The following CHRM3 variants were observed in gnomAD, a reference collection of about 807,000 sequenced individuals.
CHRM3 encodes muscarinic acetylcholine receptor M3.
In CHRM3, 11 loss-of-function variants were observed where a neutral mutation model predicts 41.8. The ratio of observed to expected loss-of-function variants is 0.26; its 90% CI spans 0.17 to 0.44. The LOEUF (loss-of-function observed/expected upper bound fraction) is 0.44, where lower values mean the gene tolerates loss of function less well. Ranked by LOEUF, CHRM3 falls within the 20% of genes least tolerant of loss-of-function variation. The pLI is 1.00. For synonymous variants in CHRM3, 297 were observed against 301.4 expected, an observed-to-expected ratio of 0.99 and a Z score of 0.15; for missense variants, 571 against 745.4, an observed-to-expected ratio of 0.77 and a Z score of 2.72.
intron 2 of CHRM3, among the ~76,000 whole-genome samples, chr1:239,521,257 A>G (rs1276332599): frequency 6.6e-6 from 1 of 152,286 alleles, no homozygotes; most frequent in East Asian, 1.9e-4. Flanking sequence ...CCAGTGGTGG[A>G]CAGATGGTCA....
chr1:239,519,994 G>T (rs1406778156), intron 2 of CHRM3, among the ~76,000 whole-genome samples: 1 of 151,854 alleles, frequency 6.6e-6, no homozygotes, highest in African/African-American at 2.4e-5. Context: ...TGATCTGCTC[G>T]CCTCGGCCTC....
intron 1 of CHRM3, among the ~76,000 whole-genome samples, chr1:239,466,823 A>C (rs1665764917): frequency 6.6e-6 from 1 of 152,130 alleles, no homozygotes; most frequent in Non-Finnish European, 1.5e-5. Flanking sequence ...GTACATAAAA[A>C]TCCTATAATA....
chr1:239,545,810 A>C (rs1236422137), intron 3 of CHRM3, 61 bp downstream of exon 3: 2 of 152,106 alleles, frequency 1.3e-5, no homozygotes, highest in African/African-American at 4.8e-5. Context: ...TCACCAGAGT[A>C]CCTACTTTTA....
At chr1:239,426,456 G>A (rs368485606) in intron 1 of CHRM3, among the ~76,000 whole-genome samples, 1 of 129,984 alleles carries the variant, frequency 7.7e-6, no homozygotes, top group African/African-American at 3.0e-5. Flanking sequence ...CCATTGCTTC[G>A]AACTCACCCC....
intron 6 of CHRM3, among the ~76,000 whole-genome samples, chr1:239,887,457 C>G (rs1368591165): frequency 6.6e-6 from 1 of 152,136 alleles, no homozygotes; most frequent in Non-Finnish European, 1.5e-5. Context: ...CCCAGCCTGA[C>G]CTAGCCACCC....
intron 1 of CHRM3, among the ~76,000 whole-genome samples, chr1:239,417,410 A>C (rs2103077773): frequency 6.6e-6 from 1 of 152,288 alleles, no homozygotes; most frequent in Non-Finnish European, 1.5e-5. Flanking sequence ...TGCAGGACAG[A>C]ATTACATCTT....
At chr1:239,423,466 G>A (rs959032170) in intron 1 of CHRM3, among the ~76,000 whole-genome samples, 1 of 152,178 alleles carries the variant, frequency 6.6e-6, no homozygotes, top group Admixed American at 6.5e-5. Flanking sequence ...GGAGGAGGAT[G>A]GAGGCGGGAA....
intron 3 of CHRM3, among the ~76,000 whole-genome samples, chr1:239,627,935 A>G (rs1404203728): frequency 6.9e-6 from 1 of 145,406 alleles, no homozygotes; most frequent in Non-Finnish European, 1.5e-5. Flanking sequence ...TGCCCTTAAC[A>G]TTTTTTCCTT....
In CHRM3 at chr1:239,453,868, A is replaced by G. The variant is rs764201631; in HGVS notation, c.-520-38841A>G. Among the ~76,000 whole-genome samples the G allele has an allele frequency of 4.7e-4, 72 of 152,124 alleles. 2 individuals carry two copies. Among genetic ancestry groups the G allele is most frequent in the Non-Finnish European group, 1.0e-4 (7 of 68,006 alleles). On this transcript the variant is annotated intron_variant, in intron 1 of 6. Coordinates refer to ENST00000676153, the MANE Select transcript of CHRM3 (RefSeq NM_001375978.1). ...GGGGAAGGCCTCAAAACCACAACAC[A>G]GGTGGCTCCCCAGTGAAGGGAGAGG...
chr1:239,577,257 A>G lies in CHRM3; in HGVS notation c.-313+31508A>G, dbSNP rs1165598626. Among the ~76,000 whole-genome samples the G allele has an allele frequency of 3.3e-5, 5 of 149,550 alleles. No homozygotes were observed. In the East Asian group the frequency reaches 9.8e-4, roughly 29 times the overall value. On this transcript the variant is annotated intron_variant, in intron 3 of 6. Transcript: ENST00000676153. ...TCGTTTTTCTTTTCCTTCCTTCTTT[A>G]TTTCCTTTTTTTGATGTTTATTCAC...
chr1:239,416,980 GT>G (rs1481774320), intron 1 of CHRM3, among the ~76,000 whole-genome samples: 2 of 152,134 alleles, frequency 1.3e-5, no homozygotes, highest in African/African-American at 4.8e-5. Flanking sequence ...GAACTATAAT[GT>G]CTTGAGAGTT....
chr1:239,549,551 C>G (rs1659616226), intron 3 of CHRM3, among the ~76,000 whole-genome samples: 1 of 150,486 alleles, frequency 6.6e-6, no homozygotes, highest in African/African-American at 2.4e-5. Flanking sequence ...ATCCCAGCTG[C>G]CCGGGAGGCT....
At chr1:239,542,846 A>G (rs535437410) in intron 2 of CHRM3, among the ~76,000 whole-genome samples, 1 of 152,308 alleles carries the variant, frequency 6.6e-6, no homozygotes, top group African/African-American at 2.4e-5. Flanking sequence ...TACAAAATGT[A>G]TTTTAACTTC....
At chr1:239,402,295 T>G (rs1660045983) in intron 1 of CHRM3, among the ~76,000 whole-genome samples, 1 of 152,186 alleles carries the variant, frequency 6.6e-6, no homozygotes, top group African/African-American at 2.4e-5. Context: ...CTTCCCTCTT[T>G]ACGTGCAGCT....
intron 1 of CHRM3, among the ~76,000 whole-genome samples, chr1:239,449,880 G>A (rs1224283306): frequency 6.6e-6 from 1 of 152,054 alleles, no homozygotes; most frequent in Non-Finnish European, 1.5e-5. Context: ...GTGTTAGGAA[G>A]GTGATCACTT....
At chr1:239,557,805 G>A (rs1275154209) in intron 3 of CHRM3, among the ~76,000 whole-genome samples, 1 of 152,100 alleles carries the variant, frequency 6.6e-6, no homozygotes, top group Non-Finnish European at 1.5e-5. Flanking sequence ...TCCCTGCAAA[G>A]GACATGATTT....
At chr1:239,720,516 G>A (rs1318449134) in intron 5 of CHRM3, among the ~76,000 whole-genome samples, 1 of 151,954 alleles carries the variant, frequency 6.6e-6, no homozygotes, top group African/African-American at 2.4e-5. Flanking sequence ...GACTTTTCAT[G>A]TTGCAGATAG....
At chr1:239,643,010 TG>T (rs1671358297) in intron 4 of CHRM3, among the ~76,000 whole-genome samples, 1 of 152,228 alleles carries the variant, frequency 6.6e-6, no homozygotes, top group Non-Finnish European at 1.5e-5. Flanking sequence ...GCAGGTCTGT[TG>T]GAGTTTGCTA....
chr1:239,399,708 T>C (rs769854387), intron 1 of CHRM3, among the ~76,000 whole-genome samples: 3 of 152,192 alleles, frequency 2.0e-5, no homozygotes. Context: ...TGGTATCTAT[T>C]GTGTATATAT....
Sources: allele counts gnomAD v4.1 joint callset (sites outside exome capture counted in the v4.1 genomes callset), GRCh38; gene constraint gnomAD v4.1.1; transcripts MANE v1.5; gene names NCBI Gene and HGNC (gene_info 2026-07-23, HGNC 2026-07-21).